The following SAMSN1 variants were observed in gnomAD, a reference collection of about 807,000 sequenced individuals.
SAMSN1 encodes SAM domain-containing protein SAMSN-1.
A neutral mutation model predicts 42.0 loss-of-function variants in SAMSN1; 31 were observed. That is an observed-to-expected ratio of 0.74 (90% CI 0.55 to 1.00). SAMSN1 has a LOEUF of 1.00. Ranked by LOEUF, SAMSN1 falls within the 50% of genes least tolerant of loss-of-function variation. The pLI is 0.00. For missense variants in SAMSN1, 464 were observed against 439.4 expected, an observed-to-expected ratio of 1.06 and a Z score of -0.50; for synonymous variants, 178 against 151.9, an observed-to-expected ratio of 1.17 and a Z score of -1.26.
chr21:14,616,847 G>A (rs1982850595), intron 2 of SAMSN1, among the ~76,000 whole-genome samples: 1 of 152,136 alleles, frequency 6.6e-6, no homozygotes, highest in South Asian at 2.1e-4. Context: ...AAAGGTGAAT[G>A]GAAACCAGAA....
At chr21:14,640,766 A>G (rs993821312) in intron 2 of SAMSN1, among the ~76,000 whole-genome samples, 1 of 152,116 alleles carries the variant, frequency 6.6e-6, no homozygotes, top group Non-Finnish European at 1.5e-5. Context: ...ATAATTCAAC[A>G]ACTAAAAAGT....
In SAMSN1 at chr21:14,485,948, C is replaced by T; in HGVS notation, c.1086G>A (p.Met362Ile). The T allele has an allele frequency of 6.2e-7, 1 of 1,613,584 alleles. No homozygotes were observed. The highest frequency in any genetic ancestry group is 1.3e-5 in the African/African-American group (1 of 75,004). Residue 362 changes from methionine (M) to isoleucine (I), a missense_variant, in exon 8 of 8, where the codon ATG becomes ATA. Physicochemically the swap from Met to Ile is conservative, Grantham distance 10 (BLOSUM62 1). Coordinates refer to ENST00000400566, the MANE Select transcript of SAMSN1 (RefSeq NM_022136.5). ...GCTCTGTGATAATAATCTTATGTACCATGTCAGACAGATTTTCAGACTCCA... is the reference window on the plus strand; with the variant it reads ...GCTCTGTGATAATAATCTTATGTACTATGTCAGACAGATTTTCAGACTCCA... ...EDLESENLSD[M>I]VHKIIITEPS...
intron 1 of SAMSN1, among the ~76,000 whole-genome samples, chr21:14,655,994 T>G (rs532855965): frequency 6.6e-6 from 1 of 151,806 alleles, no homozygotes; most frequent in East Asian, 1.9e-4. Context: ...CTTGGATGCC[T>G]AACAATAAAA....
chr21:14,564,223 G>A (rs150506975), intron 2 of SAMSN1, among the ~76,000 whole-genome samples: 72 of 152,252 alleles, frequency 4.7e-4, no homozygotes, highest in African/African-American at 1.6e-3. Context: ...GTTTTATGGA[G>A]ACGCCGATGG....
At chr21:14,493,894 C>T (rs1458943809) in intron 7 of SAMSN1, among the ~76,000 whole-genome samples, 1 of 152,080 alleles carries the variant, frequency 6.6e-6, no homozygotes, top group Non-Finnish European at 1.5e-5. Flanking sequence ...TTGCAGAACC[C>T]CAGGGTGGTT....
At chr21:14,607,056 G>A (rs1982588586) in intron 5 of SAMSN1, among the ~76,000 whole-genome samples, 1 of 152,066 alleles carries the variant, frequency 6.6e-6, no homozygotes, top group Non-Finnish European at 1.5e-5. Context: ...GATTGCTTAG[G>A]AGTTAATGTC....
intron 7 of SAMSN1, among the ~76,000 whole-genome samples, chr21:14,489,172 T>G (rs544404869): frequency 8.5e-5 from 13 of 152,222 alleles, no homozygotes; most frequent in African/African-American, 3.1e-4. Flanking sequence ...TACCCAGAAA[T>G]TGAAACCATA....
chr21:14,633,921 G>T (rs1983396332), intron 2 of SAMSN1, among the ~76,000 whole-genome samples: 1 of 151,996 alleles, frequency 6.6e-6, no homozygotes, highest in South Asian at 2.1e-4. Flanking sequence ...GCTTGAATCT[G>T]CTATATTACT....
chr21:14,630,308 T>C (rs1250993848), intron 2 of SAMSN1, among the ~76,000 whole-genome samples: 1 of 152,114 alleles, frequency 6.6e-6, no homozygotes, highest in Non-Finnish European at 1.5e-5. Context: ...TCTATAGTAG[T>C]TCGGTCCAAT....
intron 2 of SAMSN1, chr21:14,642,870 C>A: frequency 1.8e-6 from 1 of 568,952 alleles, no homozygotes; most frequent in East Asian, 2.8e-5. Context: ...AAGAGAAAAG[C>A]AGAAACTAAA....
chr21:14,598,993 C>T (rs1338901559), intron 6 of SAMSN1, among the ~76,000 whole-genome samples: 1 of 152,152 alleles, frequency 6.6e-6, no homozygotes, highest in African/African-American at 2.4e-5. Context: ...ATAAACTTCA[C>T]TTTTTCCATG....
intron 7 of SAMSN1, among the ~76,000 whole-genome samples, chr21:14,487,122 T>C (rs1276077301): frequency 6.6e-6 from 1 of 152,118 alleles, no homozygotes; most frequent in East Asian, 1.9e-4. Context: ...TTCACCACTG[T>C]AGGCATCTGA....
At chr21:14,520,879 T>C (rs1027202474) in intron 2 of SAMSN1, among the ~76,000 whole-genome samples, 8 of 149,566 alleles carry the variant, frequency 5.3e-5, no homozygotes, top group Non-Finnish European at 1.0e-4. Flanking sequence ...GAGTTCCTCT[T>C]TTTTTTTTTC....
At chr21:14,643,213 C>T in intron 1 of SAMSN1, 1 of 676,238 alleles carries the variant, frequency 1.5e-6, no homozygotes, top group Non-Finnish European at 2.7e-6. Flanking sequence ...ATACACCCAC[C>T]TTTATATAGT....
intron 5 of SAMSN1, among the ~76,000 whole-genome samples, chr21:14,607,881 A>C (rs1438497470): frequency 6.6e-6 from 1 of 152,248 alleles, no homozygotes; most frequent in African/African-American, 2.4e-5. Flanking sequence ...CAATAATCTA[A>C]AATACAACAT....
In SAMSN1 at chr21:14,602,225, AT is replaced by A. The variant is rs911384673; in HGVS notation, c.323-127del. On this transcript the variant is annotated intron_variant, in intron 5 of 15. Transcript: ENST00000647101. ...ACATTACATTGGCTACGTCAAAAAT[AT>A]TTTTTTTTGTTAAATATATGCTATT... 1.7e-3 allele frequency: 566 copies of A among 341,900 alleles called. 5 individuals are homozygous for A. The highest frequency in any genetic ancestry group is 1.5e-3 in the Middle Eastern group (2 of 1,292). The allele number at this position is 341,900 out of a possible 1,614,324, so 21.2% of individuals were successfully genotyped here.
At chr21:14,634,183 A>C (rs982459122) in intron 2 of SAMSN1, among the ~76,000 whole-genome samples, 6 of 128,960 alleles carry the variant, frequency 4.7e-5, no homozygotes, top group African/African-American at 1.6e-4. Context: ...AAAGACTTAA[A>C]TTTAAAACCC....
intron 7 of SAMSN1, among the ~76,000 whole-genome samples, chr21:14,589,668 A>G (rs368326665): frequency 6.6e-6 from 1 of 152,252 alleles, no homozygotes. Context: ...AGGCTTATGG[A>G]GACTAACAAA....
intron 1 of SAMSN1, among the ~76,000 whole-genome samples, chr21:14,651,110 A>G (rs1983827643): frequency 6.6e-6 from 1 of 152,048 alleles, no homozygotes; most frequent in Non-Finnish European, 1.5e-5. Context: ...TTAAAGAAGA[A>G]TTAATACCAA....
Sources: gnomAD v4.1 joint callset for allele counts (sites outside exome capture counted in the v4.1 genomes callset) on GRCh38, gnomAD v4.1.1 for gene constraint, MANE v1.5 for transcripts, NCBI Gene and HGNC (gene_info 2026-07-23, HGNC 2026-07-21) for gene names.